The following AP3D1 variants were observed in gnomAD, a reference collection of about 807,000 sequenced individuals.
The protein encoded by AP3D1 is adaptor related protein complex 3 subunit delta 1.
AP3D1 carries 51 observed loss-of-function variants against 147.6 expected under a neutral mutation model. The ratio of observed to expected loss-of-function variants is 0.35; its 90% CI spans 0.28 to 0.44. The LOEUF (loss-of-function observed/expected upper bound fraction) is 0.44. AP3D1 is among the 20% of genes least tolerant of loss of function. AP3D1 has a pLI of 1.00. For synonymous variants in AP3D1, 760 were observed against 663.0 expected (o/e 1.15, Z -2.25); for missense variants, 1,421 against 1,624.2 (o/e 0.87, Z 2.15).
At chr19:2,105,558 A>T (rs2018087368) in intron 31 of AP3D1, among the ~76,000 whole-genome samples, 1 of 152,240 alleles carries the variant, frequency 6.6e-6, no homozygotes, top group African/African-American at 2.4e-5. Flanking sequence ...CTATAGAAAC[A>T]ATGCTAATGA....
At chr19:2,123,296 G>A in intron 11 of AP3D1, 62 bp downstream of exon 11, 2 of 1,520,576 alleles carry the variant, frequency 1.3e-6, no homozygotes, top group South Asian at 2.3e-5. Context: ...ACACTAGGAG[G>A]ACCCCTAACT....
chr19:2,103,305 A>C (rs1260803192), intron 31 of AP3D1, among the ~76,000 whole-genome samples: 1 of 152,008 alleles, frequency 6.6e-6, no homozygotes, highest in Admixed American at 6.5e-5. Flanking sequence ...CCTACATAGA[A>C]GTGGGAGCCG....
chr19:2,143,414 G>C (rs912742383), intron 1 of AP3D1, among the ~76,000 whole-genome samples: 1 of 151,400 alleles, frequency 6.6e-6, no homozygotes, highest in African/African-American at 2.4e-5. Flanking sequence ...CTAATTTTTT[G>C]TATTTTTAGT....
chr19:2,129,580 C>T lies in AP3D1; in HGVS notation c.593-123G>A, dbSNP rs576726776. 4.8e-5 allele frequency: 58 copies of T among 1,196,716 alleles called. No homozygotes were observed. The South Asian group carries it at 8.7e-4, about 18-fold the overall frequency. 74.1% of individuals were successfully genotyped at this position (1,196,716 alleles called of 1,614,324 possible). A position where few individuals can be genotyped will look rare whatever the true frequency, so the allele number is the denominator to read the frequency against. On this transcript the variant is annotated intron_variant, in intron 6 of 31. Transcript: ENST00000643116. ...CAGCTCCCACTGAACATGGCCCTGG[C>T]TCTGCCACCTCCTCCTGGTGACAGG...
chr19:2,146,430 C>G (rs1404025551), intron 1 of AP3D1, among the ~76,000 whole-genome samples: 1 of 151,968 alleles, frequency 6.6e-6, no homozygotes, highest in Non-Finnish European at 1.5e-5. Flanking sequence ...ACAGTGAAAC[C>G]CCGTCTCTGC....
At chr19:2,102,620 T>A (rs997684855) in intron 31 of AP3D1, among the ~76,000 whole-genome samples, 4 of 151,536 alleles carry the variant, frequency 2.6e-5, no homozygotes, top group Middle Eastern at 3.2e-3. Context: ...CCCAGCTACA[T>A]GGGAGGCTGA....
chr19:2,118,677 G>C lies in AP3D1; in HGVS notation c.1637C>G (p.Ala546Gly). The change falls in exon 15 of 32, where the codon GCT becomes GGT. Residue 546 changes from alanine to glycine, a missense_variant. Transcript: ENST00000643116. ...CACCATGAGCTGGGTGACGGCCTGA[G>C]CGCCCTCTGCCTCCCCGGCCTGCTC... ...QKEQAGEAEGAQAVTQLMVDR... is the reference protein window; with the variant it reads ...QKEQAGEAEGGQAVTQLMVDR... The C allele has an allele frequency of 6.2e-7, 1 of 1,613,200 alleles. No homozygotes were observed.
rs539002241 is a variant in AP3D1 at position 2,159,264 on chromosome 19, G to C, written c.-103+5092C>G. Reference sequence around the variant, plus strand: ...GACGGAGTCTCCCTCTGTCACCCAGGCTGGAGTGCAATGGCGCGATCTCAG... The same window carrying C: ...GACGGAGTCTCCCTCTGTCACCCAGCCTGGAGTGCAATGGCGCGATCTCAG... On this transcript the variant is annotated intron_variant, in intron 1 of 14. Coordinates refer to the AP3D1 transcript ENST00000643010. Among the ~76,000 whole-genome samples the C allele has an allele frequency of 6.9e-4, 104 of 151,108 alleles. 1 individual carries two copies. The highest frequency in any genetic ancestry group is 1.7e-3 in the South Asian group (8 of 4,768).
intron 1 of AP3D1, among the ~76,000 whole-genome samples, chr19:2,148,194 A>C (rs1243276835): frequency 6.6e-6 from 1 of 152,106 alleles, no homozygotes; most frequent in East Asian, 1.9e-4. Context: ...AACTTTCCCA[A>C]AACTATGAAA....
intron 10 of AP3D1, 23 bp downstream of exon 10, chr19:2,123,807 G>T (rs2018676296): frequency 6.4e-7 from 1 of 1,558,684 alleles, no homozygotes. Context: ...GACCCCATGG[G>T]CCCCGCCCAG....
chr19:2,117,774 T>C (rs2018500171), intron 15 of AP3D1, among the ~76,000 whole-genome samples: 3 of 152,218 alleles, frequency 2.0e-5, no homozygotes, highest in Non-Finnish European at 4.4e-5. Flanking sequence ...CCCGAGCTAA[T>C]GCCACCGCAC....
chr19:2,120,562 G>A (rs1278415814), intron 14 of AP3D1, among the ~76,000 whole-genome samples: 1 of 152,204 alleles, frequency 6.6e-6, no homozygotes, highest in Non-Finnish European at 1.5e-5. Context: ...CCCGTCTGCA[G>A]CCCACCCCAT....
At chr19:2,154,502 C>T (rs2019629608), upstream of AP3D1, among the ~76,000 whole-genome samples, 1 of 152,178 alleles carries the variant, frequency 6.6e-6, no homozygotes, top group Admixed American at 6.6e-5. Flanking sequence ...TGGTCTCGAT[C>T]TCTTGACCTC....
chr19:2,152,489 G>A (rs1165183187), upstream of AP3D1, among the ~76,000 whole-genome samples: 2 of 152,082 alleles, frequency 1.3e-5, no homozygotes, highest in Admixed American at 1.3e-4. Context: ...GTTGCAGTGA[G>A]CCGAGATGGC....
chr19:2,130,471 A>C lies in AP3D1; in HGVS notation c.529T>G (p.Tyr177Asp), dbSNP rs1156880198. 1.2e-6 allele frequency: 2 copies of C among 1,614,082 alleles called. No homozygotes were observed. Among genetic ancestry groups the C allele is most frequent in the Admixed American group, 3.3e-5 (2 of 60,024 alleles). The change falls in exon 6 of 32, where the codon TAC (tyrosine) becomes GAC (aspartate). Residue 177 changes from tyrosine to aspartate, a missense_variant. This residue lies in a region of AP3D1 where 292 missense variants were observed against 412.0 expected (regional missense o/e 0.71). Transcript: ENST00000643116. ...VLIMYKVFLK[Y>D]PESLRPAFPR... is the part of the protein sequence containing the mutation. ...AAGGCAGGGCGCAGCGACTCGGGGT[A>C]CTTCAGGAACACCTTGTACATGATC...
Position 2,121,891 on chromosome 19 carries a change from G to A in AP3D1, c.956-12C>T. The A allele has an allele frequency of 1.3e-6, 2 of 1,594,720 alleles. No homozygotes were observed. Among genetic ancestry groups the A allele is most frequent in the Non-Finnish European group, 1.7e-6 (2 of 1,172,780 alleles). ...CCCCAGGTACTTCACTGCAGAGAGA[G>A]GCCAGAGCCGGGTCACTGGGACGGA... On this transcript the variant is annotated splice_polypyrimidine_tract_variant and intron_variant, in intron 11 of 31. Transcript: ENST00000643116.
At position 2,150,847 on chromosome 19, in the gene AP3D1, G is replaced by C. The variant is rs547550091; in HGVS notation, c.96+392C>G. Reference sequence around the variant, plus strand: ...TGAAGAAGCTCTGCCCAGAGACCTCGCAAGTCTCCTGGGAGGGTGGCCCGA... The same window carrying C: ...TGAAGAAGCTCTGCCCAGAGACCTCCCAAGTCTCCTGGGAGGGTGGCCCGA... On this transcript the variant is annotated intron_variant, in intron 1 of 31. Transcript: ENST00000643116. Among the ~76,000 whole-genome samples the C allele has an allele frequency of 2.0e-5, 3 of 152,288 alleles. No individual in the cohort carries two copies. In the South Asian group the frequency reaches 6.2e-4, roughly 32 times the overall value.
At chr19:2,163,479 A>G (rs952301982) in intron 1 of AP3D1, among the ~76,000 whole-genome samples, 1 of 143,176 alleles carries the variant, frequency 7.0e-6, no homozygotes, top group African/African-American at 2.6e-5. Context: ...GGGGTGAATC[A>G]CCGCGCCTGG....
intron 5 of AP3D1, 89 bp from the exon 6 acceptor site, chr19:2,130,626 G>A: frequency 3.2e-6 from 5 of 1,574,624 alleles, no homozygotes; most frequent in South Asian, 1.1e-5. Context: ...ACAGAGAGGA[G>A]ATGCCCTCCA....
Sources: gnomAD v4.1 joint callset for allele counts (sites outside exome capture counted in the v4.1 genomes callset) on GRCh38, gnomAD v4.1.1 for gene constraint, gnomAD v4.1.1 regional missense constraint, MANE v1.5 for transcripts, NCBI Gene and HGNC (gene_info 2026-07-23, HGNC 2026-07-21) for gene names.